KCNG2: variants seen among roughly 807,000 people sequenced by gnomAD.
KCNG2 encodes potassium voltage-gated channel modifier subfamily G member 2.
Under a neutral mutation model 12.3 loss-of-function variants are expected in KCNG2, and 7 were observed. The ratio of observed to expected loss-of-function variants is 0.57; its 90% confidence interval spans 0.32 to 1.07. The LOEUF is 1.07. Among genes scored for constraint, KCNG2 ranks in the 50% least tolerant of loss-of-function variants. The pLI, the probability that KCNG2 is intolerant of heterozygous loss-of-function variation, is 0.04. For synonymous variants in KCNG2, 414 were observed against 351.4 expected (o/e 1.18, Z -1.99); for missense variants, 703 against 726.0 (o/e 0.97, Z 0.36).
At position 79,821,765 on chromosome 18, in the gene KCNG2, G is replaced by A. The variant is rs188493139; in HGVS notation, c.-115+23751G>A. ...ATAGGTGTAGGGCTCATCTCTGGGCGTCCTGCTCCGCCCTCAACTGCCCTG... is the reference window on the plus strand; with the variant it reads ...ATAGGTGTAGGGCTCATCTCTGGGCATCCTGCTCCGCCCTCAACTGCCCTG... On this transcript the variant is annotated intron_variant, in intron 1 of 3. Coordinates refer to ENST00000316249, the MANE Select transcript of KCNG2 (RefSeq NM_012283.2). 3.0e-4 allele frequency among the ~76,000 whole-genome samples: 46 copies of A among 152,252 alleles called. 1 individual carries two copies. The highest frequency in any genetic ancestry group is 1.4e-3 in the East Asian group (7 of 5,174).
rs113419870 is a variant in KCNG2 at position 79,862,925 on chromosome 18, C to A, written c.-40-703C>A. 2.0e-5 allele frequency among the ~76,000 whole-genome samples: 3 copies of A among 152,304 alleles called. No homozygotes were observed. In the East Asian group the frequency reaches 5.8e-4, roughly 29 times the overall value. On this transcript the variant is annotated intron_variant, in intron 2 of 3. Transcript: ENST00000316249. ...CCAGTGCTGGTACCGGGAATGCAGGCTGTTGCTGTCCCCGCAGAGCTGGGG... is the reference window on the plus strand; with the variant it reads ...CCAGTGCTGGTACCGGGAATGCAGGATGTTGCTGTCCCCGCAGAGCTGGGG...
chr18:79,864,195 C>G lies in KCNG2; in HGVS notation c.528C>G (p.Gly176=), dbSNP rs754161444. The change falls in exon 3 of 4, where the codon GGC becomes GGG. Residue 176 remains glycine, a synonymous_variant. Transcript: ENST00000316249. The part of the protein sequence containing the change: ...VVDNPHSGLA[G]KLFACVSVSF... ...ACAACCCGCACTCGGGGCTGGCGGGCAAGCTCTTCGCCTGCGTGTCCGTGT... is the reference window on the plus strand; with the variant it reads ...ACAACCCGCACTCGGGGCTGGCGGGGAAGCTCTTCGCCTGCGTGTCCGTGT... 10 of 1,532,630 alleles carry G rather than the reference C, an allele frequency of 6.5e-6. No homozygotes were observed. Among genetic ancestry groups the G allele is most frequent in the South Asian group, 1.1e-5 (1 of 87,080 alleles). The allele number at this position is 1,532,630 out of a possible 1,614,324, so 94.9% of individuals were successfully genotyped here.
intron 1 of KCNG2, among the ~76,000 whole-genome samples, chr18:79,801,513 C>T (rs1031009413): frequency 3.9e-5 from 6 of 152,238 alleles, no homozygotes; most frequent in Non-Finnish European, 5.9e-5. Flanking sequence ...ATGCTGGGCC[C>T]GGGAGCCCTC....
intron 1 of KCNG2, among the ~76,000 whole-genome samples, chr18:79,845,546 A>G (rs1433226822): frequency 1.3e-5 from 2 of 152,208 alleles, no homozygotes; most frequent in African/African-American, 2.4e-5. Context: ...TGCTTTGTGG[A>G]TAAGAGTTAT....
intron 1 of KCNG2, among the ~76,000 whole-genome samples, chr18:79,839,478 A>G (rs1049791472): frequency 3.3e-5 from 5 of 152,228 alleles, no homozygotes; most frequent in African/African-American, 1.2e-4. Flanking sequence ...GATCTACTGG[A>G]CCGATTCCTT....
chr18:79,820,356 C>G (rs1008169069), intron 1 of KCNG2, among the ~76,000 whole-genome samples: 1 of 152,188 alleles, frequency 6.6e-6, no homozygotes, highest in Admixed American at 6.5e-5. Context: ...GTTGATGCTG[C>G]TGCTTAACTT....
At chr18:79,833,416 T>C (rs961118308) in intron 1 of KCNG2, among the ~76,000 whole-genome samples, 2 of 152,376 alleles carry the variant, frequency 1.3e-5, no homozygotes, top group East Asian at 3.9e-4. Flanking sequence ...GCTGGGATTA[T>C]GGGCATGAGC....
intron 1 of KCNG2, among the ~76,000 whole-genome samples, chr18:79,809,547 C>T (rs368897327): frequency 0.027 from 1,183 of 44,508 alleles, 77 homozygotes; most frequent in South Asian, 0.14. Context: ...CTCCACGTTA[C>T]CGGCCCAGAG....
At chr18:79,873,588 C>T (rs966780972) in intron 3 of KCNG2, among the ~76,000 whole-genome samples, 6 of 152,104 alleles carry the variant, frequency 3.9e-5, no homozygotes, top group African/African-American at 1.4e-4. Flanking sequence ...GGAGCGTTTT[C>T]CTGGGAGCTG....
At chr18:79,846,837 G>C (rs117442894) in intron 1 of KCNG2, among the ~76,000 whole-genome samples, 2 of 152,318 alleles carry the variant, frequency 1.3e-5, no homozygotes, top group Admixed American at 1.3e-4. Context: ...TCACCGCCGA[G>C]GTTAACAGTT....
chr18:79,853,467 G>A (rs949598366), intron 1 of KCNG2, among the ~76,000 whole-genome samples: 2 of 152,170 alleles, frequency 1.3e-5, no homozygotes, highest in Non-Finnish European at 2.9e-5. Flanking sequence ...GTGCCGAGGG[G>A]AGCAAGGAGA....
intron 3 of KCNG2, among the ~76,000 whole-genome samples, chr18:79,871,392 G>A (rs1295823779): frequency 1.3e-5 from 2 of 152,212 alleles, no homozygotes; most frequent in African/African-American, 4.8e-5. Flanking sequence ...AGGCAGAGTT[G>A]TCCTGGACCT....
At position 79,899,980 on chromosome 18, in the gene KCNG2, G is replaced by A. The variant is rs1981160643; in HGVS notation, c.*164G>A. ...CAGCCCCAGAACTTGGCGGGGCCCT[G>A]CCTGACTCCCCGTGGCAGCGCTGGG... On this transcript the variant is annotated 3_prime_UTR_variant, in exon 4 of 4. Transcript: ENST00000316249. 4 of 539,980 alleles carry A rather than the reference G, an allele frequency of 7.4e-6. No individual in the cohort carries two copies. Among genetic ancestry groups the A allele is most frequent in the Admixed American group, 4.5e-5 (1 of 22,114 alleles). 33.4% of individuals were successfully genotyped at this position (539,980 alleles called of 1,614,324 possible).
chr18:79,802,393 G>A lies in KCNG2; in HGVS notation c.-115+4379G>A, dbSNP rs373937171. ...CCTGGCCTCAACACCTGTCCCAGCC[G>A]TGCTGCTCTGGTCCGGAGAGCCTGG... On this transcript the variant is annotated intron_variant, in intron 1 of 3. Coordinates refer to ENST00000316249, the MANE Select transcript of KCNG2 (RefSeq NM_012283.2). Among the ~76,000 whole-genome samples the A allele has an allele frequency of 7.7e-4, 116 of 151,576 alleles. 6 individuals carry two copies. The South Asian group carries it at 0.023, about 30-fold the overall frequency.
chr18:79,866,354 TGTGCTGAGGTCTGG>T (rs1272547120), intron 3 of KCNG2, among the ~76,000 whole-genome samples: 5 of 131,128 alleles, frequency 3.8e-5, no homozygotes, highest in East Asian at 5.0e-4. Flanking sequence ...GAGAGGTCTG[TGTGCTGAGGTCTGG>T]GTGCTGAGGT....
intron 1 of KCNG2, among the ~76,000 whole-genome samples, chr18:79,836,776 A>C (rs745346782): frequency 6.6e-6 from 1 of 152,196 alleles, no homozygotes; most frequent in Non-Finnish European, 1.5e-5. Context: ...TATCATGAGA[A>C]CAGCATGAGG....
chr18:79,892,586 A>AATGTT, intron 3 of KCNG2, among the ~76,000 whole-genome samples: 2 of 152,136 alleles, frequency 1.3e-5, no homozygotes, highest in South Asian at 2.1e-4. Context: ...AGCCATTCAT[A>AATGTT]ACAATTGATA....
chr18:79,851,748 AATGT>A (rs909620874), intron 1 of KCNG2, among the ~76,000 whole-genome samples: 60 of 92,136 alleles, frequency 6.5e-4, no homozygotes, highest in African/African-American at 1.5e-3. Context: ...TGCCTGTGTG[AATGT>A]ATGTGTGTGT....
At chr18:79,848,808 C>G (rs112379102) in intron 1 of KCNG2, among the ~76,000 whole-genome samples, 4 of 152,136 alleles carry the variant, frequency 2.6e-5, no homozygotes, top group African/African-American at 4.8e-5. Flanking sequence ...GCGGCATTCC[C>G]GGTGAAGCCA....
Sources: gnomAD v4.1 joint callset for allele counts (sites outside exome capture counted in the v4.1 genomes callset) on GRCh38, gnomAD v4.1.1 for gene constraint, MANE v1.5 for transcripts, NCBI Gene and HGNC (gene_info 2026-07-23, HGNC 2026-07-21) for gene names.